ANKRD18B: variants seen among roughly 807,000 people sequenced by gnomAD.
The protein encoded by ANKRD18B is ankyrin repeat domain-containing protein 18B.
In ANKRD18B, 75 loss-of-function variants were observed where a neutral mutation model predicts 111.8. The observed-to-expected ratio is 0.67, with a 90% CI of 0.56 to 0.81. The LOEUF (loss-of-function observed/expected upper bound fraction) is 0.81. Among genes scored for constraint, ANKRD18B ranks in the 40% least tolerant of loss-of-function variants. The pLI is 0.00. For synonymous variants in ANKRD18B, 356 were observed against 417.3 expected (o/e 0.85, Z 1.79); for missense variants, 1,038 against 1,225.5 (o/e 0.85, Z 2.28).
intron 13 of ANKRD18B, among the ~76,000 whole-genome samples, chr9:33,557,836 A>G (rs1828549678): frequency 6.6e-6 from 1 of 152,144 alleles, no homozygotes; most frequent in Non-Finnish European, 1.5e-5. Context: ...TATGGCTATT[A>G]TCACTTTACC....
chr9:33,543,226 C>T lies in ANKRD18B; in HGVS notation c.1120C>T (p.Leu374Phe), dbSNP rs1828305874. The T allele has an allele frequency of 6.4e-7, 1 of 1,552,630 alleles. No individual in the cohort carries two copies. Among genetic ancestry groups the T allele is most frequent in the Middle Eastern group, 1.7e-4 (1 of 5,980 alleles). Residue 374 changes from leucine (L) to phenylalanine (F), a missense_variant, in exon 10 of 19, where the codon CTT becomes TTT. Around this residue, in one of 4 missense-constraint regions of ANKRD18B, gnomAD observed 205 missense variants for 201.3 expected, o/e 1.02. Coordinates refer to ENST00000684830, the MANE Select transcript of ANKRD18B (RefSeq NM_001393611.1). ...KVASEEKQER[L>F]ERSENKQPQD... The stretch of plus-strand genomic sequence containing the variant: ...GGCTTCAGAGGAAAAGCAAGAAAGG[C>T]TTGAAAGAAGTGAAAATAAACAGCC...
Position 33,548,299 on chromosome 9 carries a change from A to G in ANKRD18B, c.1511A>G (p.Tyr504Cys), listed in dbSNP as rs1352278360. The change falls in exon 11 of 19, where the codon TAC becomes TGC. Residue 504 changes from tyrosine to cysteine, a missense_variant. Around this residue, in one of 4 missense-constraint regions of ANKRD18B, gnomAD observed 205 missense variants for 201.3 expected, o/e 1.02. Transcript: ENST00000684830. Reference sequence around the variant, plus strand: ...AACTTGGCCACTGCTATAAATGAGTACAATGAAATTTTGGAAAGAAAAGAC... The same window carrying G: ...AACTTGGCCACTGCTATAAATGAGTGCAATGAAATTTTGGAAAGAAAAGAC... ...HSNLATAINE[Y>C]NEILERKDLE... 2 of 1,550,024 alleles carry G rather than the reference A, an allele frequency of 1.3e-6. No individual in the cohort carries two copies. The highest frequency in any genetic ancestry group is 1.4e-5 in the African/African-American group (1 of 73,004).
intron 14 of ANKRD18B, among the ~76,000 whole-genome samples, chr9:33,564,058 T>C (rs1828649524): frequency 6.6e-6 from 1 of 152,200 alleles, no homozygotes; most frequent in Non-Finnish European, 1.5e-5. Flanking sequence ...CTCAAACTCT[T>C]GGGCCCATGT....
chr9:33,554,044 C>G (rs539688162), intron 12 of ANKRD18B, among the ~76,000 whole-genome samples: 4 of 150,162 alleles, frequency 2.7e-5, no homozygotes, highest in African/African-American at 9.8e-5. Context: ...TGCACTCTAG[C>G]CTGGATGACA....
intron 3 of ANKRD18B, 54 bp downstream of exon 3, chr9:33,529,227 T>A: frequency 6.6e-7 from 1 of 1,514,654 alleles, no homozygotes; most frequent in Admixed American, 2.4e-5. Context: ...TTGACATAGG[T>A]AAGAGTCAAT....
At chr9:33,574,824 G>A (rs1341492642), downstream of ANKRD18B, among the ~76,000 whole-genome samples, 1 of 152,182 alleles carries the variant, frequency 6.6e-6, no homozygotes, top group Non-Finnish European at 1.5e-5. Context: ...CTGACTCTGG[G>A]CCCTCTTGAC....
At chr9:33,533,974 T>G (rs1461096612) in intron 4 of ANKRD18B, 2 of 154,692 alleles carry the variant, frequency 1.3e-5, no homozygotes, top group African/African-American at 4.8e-5. Context: ...AGATAGCTCT[T>G]ACTTATTTGA....
Position 33,543,228 on chromosome 9 carries a change from T to A in ANKRD18B, c.1122T>A (p.Leu374=). Residue 374 remains leucine, a synonymous_variant, in exon 10 of 19, where the codon CTT becomes CTA. Coordinates refer to ENST00000684830, the MANE Select transcript of ANKRD18B (RefSeq NM_001393611.1). The part of the protein sequence containing the change: ...KVASEEKQER[L]ERSENKQPQD... Reference sequence around the variant, plus strand: ...CTTCAGAGGAAAAGCAAGAAAGGCTTGAAAGAAGTGAAAATAAACAGCCGC... The same window carrying A: ...CTTCAGAGGAAAAGCAAGAAAGGCTAGAAAGAAGTGAAAATAAACAGCCGC... 6.4e-7 allele frequency: 1 copy of A among 1,552,448 alleles called. No individual in the cohort carries two copies. Among genetic ancestry groups the A allele is most frequent in the Non-Finnish European group, 8.7e-7 (1 of 1,147,278 alleles).
intron 12 of ANKRD18B, among the ~76,000 whole-genome samples, chr9:33,551,419 C>A (rs529420758): frequency 4.1e-4 from 62 of 152,234 alleles, no homozygotes; most frequent in Non-Finnish European, 8.1e-4. Context: ...TGTCTCTCCA[C>A]CTACCCCAGT....
Position 33,572,816 on chromosome 9 carries a change from T to C in ANKRD18B, c.*382T>C. 1.2e-6 allele frequency: 1 copy of C among 864,462 alleles called. No individual in the cohort carries two copies. The highest frequency in any genetic ancestry group is 1.8e-5 in the African/African-American group (1 of 54,888). The allele number at this position is 864,462 out of a possible 1,614,324, so 53.5% of individuals were successfully genotyped here. On this transcript the variant is annotated 3_prime_UTR_variant, in exon 19 of 19. Transcript: ENST00000684830. ...TTATGATTTTCTTTTTGTAGTTCAA[T>C]AGTATTTTGTGTGGAGATACTTTGA...
intron 13 of ANKRD18B, among the ~76,000 whole-genome samples, chr9:33,557,631 T>C (rs148092678): frequency 1.4e-4 from 22 of 151,928 alleles, no homozygotes; most frequent in African/African-American, 5.1e-4. Context: ...CTACTAAAAA[T>C]ACAAAATTAG....
chr9:33,549,527 T>G (rs1166316142), intron 11 of ANKRD18B, among the ~76,000 whole-genome samples: 2 of 152,180 alleles, frequency 1.3e-5, no homozygotes, highest in East Asian at 3.9e-4. Context: ...AAATTCAGAT[T>G]CAATTAAGTG....
chr9:33,538,690 G>GCA lies in ANKRD18B; in HGVS notation c.809-757_809-756dup, dbSNP rs768053745. On this transcript the variant is annotated intron_variant, in intron 6 of 18. Transcript: ENST00000684830. ...GGTGGAGATTGCAGTGAACCGGAATGCACCACTGCACTCCAGCTGGGTGAC... is the reference window on the plus strand; with the variant it reads ...GGTGGAGATTGCAGTGAACCGGAATGCACACCACTGCACTCCAGCTGGGTGAC... Among the ~76,000 whole-genome samples the GCA allele has an allele frequency of 3.3e-5, 5 of 151,730 alleles. No individual in the cohort carries two copies. In the South Asian group the frequency reaches 8.3e-4, roughly 25 times the overall value.
Position 33,557,984 on chromosome 9 carries a change from T to C in ANKRD18B, c.2331-74T>C, listed in dbSNP as rs1828551570. The C allele has an allele frequency of 3.8e-6, 5 of 1,319,044 alleles. No homozygotes were observed. In the Admixed American group the frequency reaches 1.0e-4, roughly 28 times the overall value. 81.7% of individuals were successfully genotyped at this position (1,319,044 alleles called of 1,614,324 possible). On this transcript the variant is annotated intron_variant, in intron 13 of 18. Transcript: ENST00000684830. ...TTTGTTTCTTTGATATGCCATAACA[T>C]AGTATCTGTTTAAACAATTATTAAA...
At chr9:33,568,193 T>C (rs12238528) in intron 16 of ANKRD18B, among the ~76,000 whole-genome samples, 13,050 of 152,334 alleles carry the variant, frequency 0.086, 583 homozygotes, top group South Asian at 0.099. Flanking sequence ...ATTATTTTTG[T>C]TCATTTTAGT....
intron 13 of ANKRD18B, among the ~76,000 whole-genome samples, chr9:33,557,500 A>C (rs1323515856): frequency 2.6e-5 from 4 of 152,184 alleles, no homozygotes; most frequent in Non-Finnish European, 4.4e-5. Context: ...AAAAAACTGT[A>C]TGGTTAGGCC....
At chr9:33,563,967 C>G (rs143471016) in intron 14 of ANKRD18B, among the ~76,000 whole-genome samples, 2 of 152,116 alleles carry the variant, frequency 1.3e-5, no homozygotes, top group Non-Finnish European at 2.9e-5. Flanking sequence ...GAGACAGGGT[C>G]TTGCTAGTGT....
At chr9:33,549,010 G>T (rs567769919) in intron 11 of ANKRD18B, among the ~76,000 whole-genome samples, 155 bp downstream of exon 11, 2 of 151,984 alleles carry the variant, frequency 1.3e-5, no homozygotes, top group African/African-American at 4.8e-5. Flanking sequence ...GGAAATACAT[G>T]TATAGGGACA....
At chr9:33,559,417 C>A (rs1828574659) in intron 14 of ANKRD18B, among the ~76,000 whole-genome samples, 1 of 152,032 alleles carries the variant, frequency 6.6e-6, no homozygotes, top group Admixed American at 6.6e-5. Flanking sequence ...TTTTCAGCTT[C>A]TTCTCTCTGT....
Sources: gnomAD v4.1 joint callset for allele counts (sites outside exome capture counted in the v4.1 genomes callset) on GRCh38, gnomAD v4.1.1 for gene constraint, gnomAD v4.1.1 regional missense constraint, MANE v1.5 for transcripts, NCBI Gene and HGNC (gene_info 2026-07-23, HGNC 2026-07-21) for gene names.